Variants in MACROD2 observed in about 807,000 individuals in gnomAD.
The protein encoded by MACROD2 is mono-ADP ribosylhydrolase 2.
In MACROD2, 36 loss-of-function variants were observed where a neutral mutation model predicts 70.4. The ratio of observed to expected loss-of-function variants is 0.51; its 90% CI spans 0.39 to 0.68. The LOEUF is 0.68. Ranked by LOEUF, MACROD2 falls within the 30% of genes least tolerant of loss-of-function variation. The pLI is 0.00. For synonymous variants in MACROD2, 172 were observed against 178.8 expected, an observed-to-expected ratio of 0.96 and a Z score of 0.30; for missense variants, 496 against 538.4, an observed-to-expected ratio of 0.92 and a Z score of 0.78.
chr20:15,665,395 A>T (rs948441476), intron 8 of MACROD2, among the ~76,000 whole-genome samples: 1 of 152,060 alleles, frequency 6.6e-6, no homozygotes. Context: ...AGAGGATATA[A>T]CTCACCCCTT....
In MACROD2 at chr20:14,954,410, C is replaced by T. The variant is rs1003763934; in HGVS notation, c.418+269451C>T. On this transcript the variant is annotated intron_variant, in intron 5 of 17. Transcript: ENST00000684519. Reference sequence around the variant, plus strand: ...CTTGTCATCTGGGTGAACCTGAACACGGTAAAACCTCCCTGTAGAAAACCT... The same window carrying T: ...CTTGTCATCTGGGTGAACCTGAACATGGTAAAACCTCCCTGTAGAAAACCT... Among the ~76,000 whole-genome samples, 12 of 148,876 alleles carry T rather than the reference C, an allele frequency of 8.1e-5. 1 individual carries two copies. The highest frequency in any genetic ancestry group is 3.9e-4 in the East Asian group (2 of 5,114).
At chr20:14,720,569 T>TTTTTTTTTTTTTTTTTTTTTTGTGTGTG (rs531072431) in intron 5 of MACROD2, among the ~76,000 whole-genome samples, 2 of 84,094 alleles carry the variant, frequency 2.4e-5, no homozygotes, top group African/African-American at 9.5e-5. Flanking sequence ...TTTTTTTTTT[T>TTTTTTTTTTTTTTTTTTTTTTGTGTGTG]TGTGAGGCAG....
At chr20:15,917,729 A>C (rs1568639116) in intron 10 of MACROD2, among the ~76,000 whole-genome samples, 1 of 152,224 alleles carries the variant, frequency 6.6e-6, no homozygotes, top group East Asian at 1.9e-4. Context: ...CAAAACCAAA[A>C]AAATCTACGT....
intron 3 of MACROD2, among the ~76,000 whole-genome samples, chr20:14,413,214 T>C (rs1440384047): frequency 1.3e-5 from 2 of 150,634 alleles, no homozygotes; most frequent in Non-Finnish European, 3.0e-5. Flanking sequence ...TTTGTCTCCT[T>C]AAATATGTAC....
chr20:14,883,970 A>C (rs1214898129), intron 5 of MACROD2, among the ~76,000 whole-genome samples: 1 of 152,198 alleles, frequency 6.6e-6, no homozygotes, highest in African/African-American at 2.4e-5. Flanking sequence ...ACAAAATGAA[A>C]GTATGATCTT....
At chr20:15,658,241 A>C (rs1400628279) in intron 8 of MACROD2, among the ~76,000 whole-genome samples, 6 of 142,648 alleles carry the variant, frequency 4.2e-5, no homozygotes, top group South Asian at 2.3e-4. Context: ...TTTTTTTTTT[A>C]ACTTGAATAT....
intron 3 of MACROD2, among the ~76,000 whole-genome samples, chr20:14,382,322 A>G (rs544474539): frequency 6.6e-6 from 1 of 151,724 alleles, no homozygotes; most frequent in African/African-American, 2.4e-5. Flanking sequence ...GGCCTCTCAA[A>G]GTGCTGGGAT....
chr20:15,797,449 T>G (rs1020885912), intron 8 of MACROD2, among the ~76,000 whole-genome samples: 1 of 152,114 alleles, frequency 6.6e-6, no homozygotes, highest in Non-Finnish European at 1.5e-5. Context: ...GACCCCATGG[T>G]TACAAAGTAG....
At chr20:15,886,503 T>C (rs191494567) in intron 10 of MACROD2, among the ~76,000 whole-genome samples, 317 of 152,260 alleles carry the variant, frequency 2.1e-3, no homozygotes, top group African/African-American at 7.4e-3. Flanking sequence ...TGGGGAGTGG[T>C]TCTATAGAGC....
At chr20:14,770,242 A>G (rs939087162) in intron 5 of MACROD2, among the ~76,000 whole-genome samples, 1 of 151,232 alleles carries the variant, frequency 6.6e-6, no homozygotes, top group East Asian at 1.9e-4. Flanking sequence ...GTTTTGGATT[A>G]TGCTGTGGTG....
intron 6 of MACROD2, among the ~76,000 whole-genome samples, chr20:15,230,308 T>G (rs114486206): frequency 0.018 from 2,778 of 152,318 alleles, 92 homozygotes; most frequent in African/African-American, 0.063. Context: ...TATCTACTTT[T>G]TCCTCTTTAT....
rs73900034 is a variant in MACROD2, at chr20:15,645,814, T to C, written c.645+145967T>C. Among the ~76,000 whole-genome samples, 331 of 152,320 alleles carry C rather than the reference T, an allele frequency of 2.2e-3. 2 individuals carry two copies. The highest frequency in any genetic ancestry group is 7.7e-3 in the African/African-American group (320 of 41,564). The stretch of plus-strand genomic sequence containing the variant: ...TGGCTAGGCCTTTATTTTTAAGAAA[T>C]GTGTATTTAATGCATTGCACTTGCT... On this transcript the variant is annotated intron_variant, in intron 8 of 17. Coordinates refer to ENST00000684519, the MANE Select transcript of MACROD2 (RefSeq NM_001351661.2).
At chr20:15,824,954 T>C (rs1396757767) in intron 8 of MACROD2, among the ~76,000 whole-genome samples, 1 of 152,120 alleles carries the variant, frequency 6.6e-6, no homozygotes, top group Non-Finnish European at 1.5e-5. Flanking sequence ...TACATAACTG[T>C]GGAGTTTTTA....
intron 8 of MACROD2, among the ~76,000 whole-genome samples, chr20:15,777,769 C>T (rs12480313): frequency 0.32 from 48,499 of 151,708 alleles, 8,672 homozygotes; most frequent in East Asian, 0.52. Flanking sequence ...CTCAGCCTCC[C>T]GAGTAGCTGG....
At chr20:15,198,126 A>C (rs2076622612) in intron 5 of MACROD2, among the ~76,000 whole-genome samples, 1 of 151,940 alleles carries the variant, frequency 6.6e-6, no homozygotes, top group Non-Finnish European at 1.5e-5. Flanking sequence ...CACACCGGCT[A>C]ATTTCTGTAT....
intron 15 of MACROD2, among the ~76,000 whole-genome samples, chr20:16,024,528 C>G (rs868574152): frequency 7.5e-6 from 1 of 132,856 alleles, no homozygotes; most frequent in East Asian, 2.3e-4. Flanking sequence ...CACACACACA[C>G]AGACACACAC....
chr20:14,544,231 C>CTTT (rs11318084), intron 4 of MACROD2, among the ~76,000 whole-genome samples: 10 of 143,868 alleles, frequency 7.0e-5, no homozygotes, highest in African/African-American at 2.0e-4. Context: ...ATGATTCCTT[C>CTTT]TTTTTTTTTT....
intron 3 of MACROD2, among the ~76,000 whole-genome samples, chr20:14,090,108 A>G (rs1284461816): frequency 1.3e-5 from 2 of 152,162 alleles, no homozygotes; most frequent in East Asian, 3.8e-4. Context: ...TGATATTGTT[A>G]CATTACTGTT....
At chr20:14,999,722 T>C (rs958469925) in intron 5 of MACROD2, among the ~76,000 whole-genome samples, 4 of 152,210 alleles carry the variant, frequency 2.6e-5, no homozygotes, top group Admixed American at 2.0e-4. Flanking sequence ...TTTTTATTAG[T>C]TTTCTTTTTG....
Sources: gnomAD v4.1 joint callset for allele counts (sites outside exome capture counted in the v4.1 genomes callset) on GRCh38, gnomAD v4.1.1 for gene constraint, MANE v1.5 for transcripts, NCBI Gene and HGNC (gene_info 2026-07-23, HGNC 2026-07-21) for gene names.